The following MAPK9 variants were observed in gnomAD, a reference collection of about 807,000 sequenced individuals.
MAPK9 encodes the protein mitogen-activated protein kinase 9.
Under a neutral mutation model 57.1 loss-of-function variants are expected in MAPK9, and 30 were observed. The ratio of observed to expected loss-of-function variants is 0.53; its 90% confidence interval spans 0.39 to 0.71. The LOEUF (loss-of-function observed/expected upper bound fraction) is 0.71. MAPK9 is among the 30% of genes least tolerant of loss of function. MAPK9 has a pLI of 0.00. For missense variants in MAPK9, 362 were observed against 521.0 expected (o/e 0.69, Z 2.97); for synonymous variants, 155 against 177.0 (o/e 0.88, Z 0.99).
intron 1 of MAPK9, among the ~76,000 whole-genome samples, chr5:180,281,543 T>C (rs1238178044): frequency 6.6e-6 from 1 of 152,244 alleles, no homozygotes; most frequent in Non-Finnish European, 1.5e-5. Flanking sequence ...AATAAAATCA[T>C]ATAGGTAAAC....
chr5:180,290,277 G>A (rs1332801484), intron 1 of MAPK9, among the ~76,000 whole-genome samples: 1 of 152,120 alleles, frequency 6.6e-6, no homozygotes. Flanking sequence ...GTGGCCTACG[G>A]TCCTTCCTTG....
chr5:180,249,439 C>A (rs1037727153), intron 5 of MAPK9, among the ~76,000 whole-genome samples: 8 of 152,252 alleles, frequency 5.3e-5, no homozygotes, highest in East Asian at 1.9e-4. Context: ...ACACGTCCAG[C>A]ACACATGCCC....
rs756962280 is a variant in MAPK9, at chr5:180,249,098, G to T, written c.491C>A (p.Thr164Asn). The T allele has an allele frequency of 6.2e-7, 1 of 1,613,596 alleles. No individual in the cohort carries two copies. Among genetic ancestry groups the T allele is most frequent in the Non-Finnish European group, 8.5e-7 (1 of 1,179,800 alleles). The change falls in exon 6 of 12, where the codon ACC becomes AAC. Residue 164 changes from threonine (T) to asparagine (N), a missense_variant. This residue lies in a region of MAPK9 where 127 missense variants were observed against 231.7 expected (regional missense o/e 0.55). Transcript: ENST00000452135. ...CAGGCCAAAGTCAAGGATCTTCAGG[G>T]TGCAGTCTGATTTCACAACAATGTT... ...PSNIVVKSDCTLKILDFGLAR... is the reference protein window; with the variant it reads ...PSNIVVKSDCNLKILDFGLAR...
At chr5:180,271,523 A>G (rs910262395) in intron 2 of MAPK9, among the ~76,000 whole-genome samples, 1 of 152,066 alleles carries the variant, frequency 6.6e-6, no homozygotes, top group Non-Finnish European at 1.5e-5. Context: ...CGCTTCTTCA[A>G]CTCTGAAGGG....
intron 3 of MAPK9, among the ~76,000 whole-genome samples, chr5:180,265,138 AAGC>A (rs1219968096): frequency 6.6e-6 from 1 of 152,250 alleles, no homozygotes; most frequent in Admixed American, 6.5e-5. Flanking sequence ...AAAGACATTA[AAGC>A]AGTATGTTAA....
At chr5:180,242,895 A>G in intron 7 of MAPK9, 140 bp from the exon 8 acceptor site, 2 of 600,856 alleles carry the variant, frequency 3.3e-6, no homozygotes, top group Non-Finnish European at 5.5e-6. Context: ...TAATATTCAA[A>G]TAAGGTTTGG....
chr5:180,240,133 C>T, intron 9 of MAPK9, 146 bp from the exon 10 acceptor site: 1 of 631,466 alleles, frequency 1.6e-6, no homozygotes, highest in Non-Finnish European at 2.8e-6. Flanking sequence ...AAAGATTTGT[C>T]ATGTGATATT....
intron 1 of MAPK9, among the ~76,000 whole-genome samples, chr5:180,285,698 A>G (rs555536414): frequency 5.3e-5 from 8 of 151,934 alleles, no homozygotes; most frequent in Non-Finnish European, 8.8e-5. Context: ...CGAAGGTGGG[A>G]GGATCACTTA....
At chr5:180,268,233 T>C (rs2127603927) in intron 3 of MAPK9, among the ~76,000 whole-genome samples, 1 of 152,316 alleles carries the variant, frequency 6.6e-6, no homozygotes, top group South Asian at 2.1e-4. Context: ...CTAGAAACAT[T>C]ATTTCTCCGT....
chr5:180,241,977 G>C (rs1757707259), intron 8 of MAPK9, among the ~76,000 whole-genome samples: 1 of 152,082 alleles, frequency 6.6e-6, no homozygotes, highest in Non-Finnish European at 1.5e-5. Flanking sequence ...ATACAGTGCT[G>C]GCAACTTACA....
At chr5:180,240,077 G>A in intron 9 of MAPK9, 90 bp from the exon 10 acceptor site, 1 of 914,762 alleles carries the variant, frequency 1.1e-6, no homozygotes, top group Non-Finnish European at 1.8e-6. Context: ...AAGACTTCTA[G>A]TCTATTTATG....
At chr5:180,279,410 A>G (rs1478097460) in intron 2 of MAPK9, among the ~76,000 whole-genome samples, 1 of 152,072 alleles carries the variant, frequency 6.6e-6, no homozygotes, top group Non-Finnish European at 1.5e-5. Flanking sequence ...CTGGACTGCA[A>G]TTTCCTCTTA....
At chr5:180,243,742 T>C (rs1471429338) in intron 7 of MAPK9, among the ~76,000 whole-genome samples, 4 of 152,232 alleles carry the variant, frequency 2.6e-5, no homozygotes, top group African/African-American at 7.2e-5. Context: ...CAAATTCTCC[T>C]TCCTACTCCT....
Position 180,269,805 on chromosome 5 carries a change from T to C in MAPK9, c.123-396A>G, listed in dbSNP as rs182776103. On this transcript the variant is annotated intron_variant, in intron 2 of 11. Transcript: ENST00000452135. ...GTCTTAAAATGTGTATATTTTGGAA[T>C]ATCACAGTAGAGGAAATGGCTGAAT... Among the ~76,000 whole-genome samples the C allele has an allele frequency of 1.5e-3, 230 of 152,362 alleles. 1 individual carries two copies. The highest frequency in any genetic ancestry group is 1.9e-3 in the Non-Finnish European group (130 of 68,038).
chr5:180,262,898 G>C (rs13164011), intron 4 of MAPK9: 10,582 of 152,232 alleles, frequency 0.07, 1,095 homozygotes, highest in African/African-American at 0.23. Flanking sequence ...CTAACTTCTC[G>C]CTGTCAAAAT....
rs1581147356 is a variant in MAPK9, at chr5:180,233,975, C to T, written c.*2409G>A. 2 of 152,360 alleles carry T rather than the reference C, an allele frequency of 1.3e-5. No individual in the cohort carries two copies. Among genetic ancestry groups the T allele is most frequent in the Admixed American group, 1.3e-4 (2 of 15,302 alleles). The allele number at this position is 152,360 out of a possible 1,614,324, so 9.4% of individuals were successfully genotyped here. On this transcript the variant is annotated 3_prime_UTR_variant, in exon 12 of 12. Coordinates refer to ENST00000452135, the MANE Select transcript of MAPK9 (RefSeq NM_002752.5). ...CAGCCAGGGTTTCCAGACTGCTCTC[C>T]TGCTCTCACAGAACTCTGTCTGCTC...
chr5:180,237,717 C>T (rs571952830), intron 11 of MAPK9: 1 of 152,320 alleles, frequency 6.6e-6, no homozygotes, highest in African/African-American at 2.4e-5. Flanking sequence ...CCTGGCACAT[C>T]AGTAAAATGT....
At chr5:180,261,894 T>G (rs1218557045) in intron 4 of MAPK9, 72 bp from the exon 5 acceptor site, 1 of 1,318,950 alleles carries the variant, frequency 7.6e-7, no homozygotes, top group Non-Finnish European at 1.1e-6. Flanking sequence ...TTCATGAAAC[T>G]GTAACTTACT....
intron 1 of MAPK9, among the ~76,000 whole-genome samples, 163 bp downstream of exon 1, chr5:180,291,685 C>T (rs1299912013): frequency 6.6e-6 from 1 of 151,334 alleles, no homozygotes; most frequent in Non-Finnish European, 1.5e-5. Context: ...CGGAAGGGGG[C>T]GCCTGCGGCA....
Sources: allele counts gnomAD v4.1 joint callset (sites outside exome capture counted in the v4.1 genomes callset), GRCh38; gene constraint gnomAD v4.1.1; regional missense constraint gnomAD v4.1.1; transcripts MANE v1.5; gene names NCBI Gene and HGNC (gene_info 2026-07-23, HGNC 2026-07-21).